Variants in CLEC6A observed in about 807,000 individuals in gnomAD.
The protein encoded by CLEC6A is C-type lectin domain containing 6A, also known as C-type lectin domain family 6 member A.
Under a neutral mutation model 25.7 loss-of-function variants are expected in CLEC6A, and 22 were observed. The observed-to-expected ratio is 0.85, with a 90% confidence interval of 0.61 to 1.22. The LOEUF is 1.22. Ranked by LOEUF, CLEC6A falls within the 50% of genes most tolerant of loss-of-function variation. CLEC6A has a pLI of 0.00. For missense variants in CLEC6A, 240 were observed against 236.8 expected (o/e 1.01, Z -0.09); for synonymous variants, 92 against 76.7 (o/e 1.20, Z -1.04).
At chr12:8,470,269 A>G (rs1462354232) in intron 4 of CLEC6A, among the ~76,000 whole-genome samples, 2 of 152,168 alleles carry the variant, frequency 1.3e-5, no homozygotes, top group African/African-American at 2.4e-5. Flanking sequence ...GCCATAATCA[A>G]AACATCAAAA....
At chr12:8,460,582 C>T (rs1428242290) in intron 3 of CLEC6A, 4 of 1,016,112 alleles carry the variant, frequency 3.9e-6, no homozygotes, top group Non-Finnish European at 4.6e-6. Context: ...AGGGGAAGAG[C>T]CTTTCTGTCT....
At position 8,477,404 on chromosome 12, in the gene CLEC6A, T is replaced by A; in HGVS notation, c.570T>A (p.Asn190Lys). The A allele has an allele frequency of 6.2e-7, 1 of 1,611,868 alleles. No homozygotes were observed. Among genetic ancestry groups the A allele is most frequent in the East Asian group, 2.2e-5 (1 of 44,778 alleles). ...VFWKPTGWGWNDVICETRRNS... is the reference protein window; with the variant it reads ...VFWKPTGWGWKDVICETRRNS... ...GGAAACCTACAGGATGGGGCTGGAA[T>A]GATGTTATCTGTGAAACTAGAAGGA... Residue 190 changes from asparagine to lysine, a missense_variant, in exon 6 of 6, where the codon AAT (asparagine) becomes AAA (lysine). Coordinates refer to ENST00000382073, the MANE Select transcript of CLEC6A (RefSeq NM_001007033.2).
At chr12:8,457,361 G>A (rs373379406) in intron 1 of CLEC6A, among the ~76,000 whole-genome samples, 51 of 152,220 alleles carry the variant, frequency 3.4e-4, no homozygotes, top group African/African-American at 1.1e-3. Context: ...CACTTAACAC[G>A]ATGTCCTCTG....
At chr12:8,469,593 G>A (rs893727738) in intron 4 of CLEC6A, among the ~76,000 whole-genome samples, 4 of 152,046 alleles carry the variant, frequency 2.6e-5, no homozygotes, top group African/African-American at 9.7e-5. Flanking sequence ...GAGACACATG[G>A]ACCAATGGAA....
chr12:8,473,429 A>G (rs1161058194), intron 4 of CLEC6A, among the ~76,000 whole-genome samples: 1 of 152,140 alleles, frequency 6.6e-6, no homozygotes, highest in African/African-American at 2.4e-5. Flanking sequence ...ATGACTATAT[A>G]GTATTCCATG....
chr12:8,471,060 T>C (rs192124542), intron 4 of CLEC6A, among the ~76,000 whole-genome samples: 1 of 152,244 alleles, frequency 6.6e-6, no homozygotes, highest in East Asian at 1.9e-4. Context: ...AATCAGGTGG[T>C]TTTTGTTCTT....
In CLEC6A at chr12:8,476,291, G is replaced by A. The variant is rs759217027; in HGVS notation, c.485+51G>A. On this transcript the variant is annotated intron_variant, in intron 5 of 5. Transcript: ENST00000382073. ...TACATAGAAAATCTAGGGAAATTTT[G>A]TTAGGAGTTACTAATAATGTTAATA... 3 of 1,012,902 alleles carry A rather than the reference G, an allele frequency of 3.0e-6. No individual in the cohort carries two copies. The East Asian group carries it at 7.1e-5, about 24-fold the overall frequency. 62.7% of individuals were successfully genotyped at this position (1,012,902 alleles called of 1,614,324 possible).
chr12:8,462,241 C>A (rs373607440), intron 3 of CLEC6A, among the ~76,000 whole-genome samples: 1 of 149,386 alleles, frequency 6.7e-6, no homozygotes, highest in African/African-American at 2.5e-5. Context: ...GCCGCAGGGA[C>A]CTCTGCCTAG....
rs750149357 is a variant in CLEC6A, at chr12:8,457,794, G to T, written c.32-104G>T. 351 of 787,140 alleles carry T rather than the reference G, an allele frequency of 4.5e-4. 2 individuals are homozygous for T. The African/African-American group carries it at 5.7e-3, about 13-fold the overall frequency. 48.8% of individuals were successfully genotyped at this position (787,140 alleles called of 1,614,324 possible). A position where few individuals can be genotyped will look rare whatever the true frequency, so the allele number is the denominator to read the frequency against. On this transcript the variant is annotated intron_variant, in intron 1 of 5. Coordinates refer to ENST00000382073, the MANE Select transcript of CLEC6A (RefSeq NM_001007033.2). ...GTCTTCTTGCTTTAAGTTTTTAACT[G>T]CTCTGAGGTTCTTCATCTAGTTTGT...
At chr12:8,458,346 A>G (rs966001544) in intron 2 of CLEC6A, among the ~76,000 whole-genome samples, 3 of 152,230 alleles carry the variant, frequency 2.0e-5, no homozygotes, top group Admixed American at 2.0e-4. Flanking sequence ...AATTGCTGTC[A>G]TAATTGTCAT....
intron 4 of CLEC6A, among the ~76,000 whole-genome samples, chr12:8,467,214 A>AT (rs1213680953): frequency 4.6e-5 from 7 of 151,844 alleles, no homozygotes; most frequent in South Asian, 2.1e-4. Flanking sequence ...CCATTTGTCT[A>AT]TTTTTTTGCT....
intron 5 of CLEC6A, 139 bp downstream of exon 5, chr12:8,476,379 A>G: frequency 5.3e-6 from 3 of 567,558 alleles, no homozygotes; most frequent in Non-Finnish European, 9.3e-6. Flanking sequence ...GCATTATCTC[A>G]CTTAAACTTC....
intron 4 of CLEC6A, among the ~76,000 whole-genome samples, chr12:8,470,442 G>C (rs1939889912): frequency 6.6e-6 from 1 of 152,086 alleles, no homozygotes; most frequent in Non-Finnish European, 1.5e-5. Flanking sequence ...TATCTACCCA[G>C]AGGAAAATAA....
chr12:8,477,259 C>T, intron 5 of CLEC6A, 61 bp from the exon 6 acceptor site: 3 of 1,408,534 alleles, frequency 2.1e-6, no homozygotes, highest in Non-Finnish European at 2.9e-6. Context: ...GACTTTTATA[C>T]TTTCTAATCA....
chr12:8,466,238 T>C (rs1308027621), intron 4 of CLEC6A, among the ~76,000 whole-genome samples: 1 of 152,226 alleles, frequency 6.6e-6, no homozygotes, highest in African/African-American at 2.4e-5. Context: ...TTTTTCTCCT[T>C]TTTTGTGGTG....
intron 3 of CLEC6A, among the ~76,000 whole-genome samples, chr12:8,460,390 A>C (rs1329152632): frequency 6.6e-6 from 1 of 152,228 alleles, no homozygotes; most frequent in African/African-American, 2.4e-5. Flanking sequence ...CCTCTTATCA[A>C]ACCATCAGAT....
At chr12:8,461,755 T>C (rs1371336477) in intron 3 of CLEC6A, among the ~76,000 whole-genome samples, 1 of 152,246 alleles carries the variant, frequency 6.6e-6, no homozygotes, top group African/African-American at 2.4e-5. Flanking sequence ...CATTGTATCT[T>C]CTTCAGTTTG....
At chr12:8,473,785 T>C (rs1278381642) in intron 4 of CLEC6A, among the ~76,000 whole-genome samples, 2 of 152,180 alleles carry the variant, frequency 1.3e-5, no homozygotes, top group Non-Finnish European at 2.9e-5. Flanking sequence ...TGCTGTGAGA[T>C]GGTATCTCAT....
chr12:8,469,725 A>G (rs1939881085), intron 4 of CLEC6A, among the ~76,000 whole-genome samples: 3 of 152,230 alleles, frequency 2.0e-5, no homozygotes, highest in Admixed American at 2.0e-4. Context: ...ATAATTGGCA[A>G]GCCACATGTA....
Sources: gnomAD v4.1 joint callset for allele counts (sites outside exome capture counted in the v4.1 genomes callset) on GRCh38, gnomAD v4.1.1 for gene constraint, MANE v1.5 for transcripts, NCBI Gene and HGNC (gene_info 2026-07-23, HGNC 2026-07-21) for gene names.